Variants in NKX1-2 observed in about 807,000 individuals in gnomAD.
NKX1-2 encodes the protein NK1 homeobox 2.
In NKX1-2, 1 loss-of-function variant was observed where a neutral mutation model predicts 4.4. The observed-to-expected ratio is 0.23, with a 90% CI of 0.08 to 1.08. The LOEUF is 1.08. Ranked by LOEUF, NKX1-2 falls within the 50% of genes least tolerant of loss-of-function variation. The pLI is 0.55. For synonymous variants in NKX1-2, 235 were observed against 228.0 expected (o/e 1.03, Z -0.28); for missense variants, 503 against 464.6 (o/e 1.08, Z -0.76).
In NKX1-2 at chr10:124,447,322, G is replaced by T. The variant is rs986681516; in HGVS notation, c.*107C>A. ...ATCGCGGGTGCGCGCGGCGGGCAGG[G>T]GTGCGCTGACACCCGCGCACCTGCA... On this transcript the variant is annotated 3_prime_UTR_variant, in exon 2 of 2. Transcript: ENST00000451024. The T allele has an allele frequency of 1.9e-5, 16 of 850,368 alleles. No individual in the cohort carries two copies. Among genetic ancestry groups the T allele is most frequent in the Non-Finnish European group, 1.1e-5 (7 of 626,844 alleles). 52.7% of individuals were successfully genotyped at this position (850,368 alleles called of 1,614,324 possible). A position where few individuals can be genotyped will look rare whatever the true frequency, so the allele number is the denominator to read the frequency against.
At position 124,447,629 on chromosome 10, in the gene NKX1-2, C is replaced by T; in HGVS notation, c.733G>A (p.Gly245Ser). 1 of 1,278,170 alleles carries T rather than the reference C, an allele frequency of 7.8e-7. No homozygotes were observed. The highest frequency in any genetic ancestry group is 9.9e-7 in the Non-Finnish European group (1 of 1,013,580). The allele number at this position is 1,278,170 out of a possible 1,614,324, so 79.2% of individuals were successfully genotyped here. ...GGACTGCCCCCCGAGCCGCCGCCGCCGCCGCCCCCCGCCGCCCCTGGCTGG... is the reference window on the plus strand; with the variant it reads ...GGACTGCCCCCCGAGCCGCCGCCGCTGCCGCCCCCCGCCGCCCCTGGCTGG... ...APQPGAAGGG[G>S]GGGSGGSPGP... Residue 245 changes from glycine (G) to serine (S), a missense_variant, in exon 2 of 2, where the codon GGC (glycine) becomes AGC (serine). Gly to Ser is a moderately conservative substitution (Grantham distance 56). Transcript: ENST00000451024.
chr10:124,449,132 C>G lies in NKX1-2; in HGVS notation c.214+598G>C, dbSNP rs1320947505. ...CAGAAAGGGTTTCGAGAAGAAAGTA[C>G]CGAAAGCTTCCCAACACTCCATCCG... On this transcript the variant is annotated intron_variant, in intron 1 of 1. Coordinates refer to ENST00000451024, the MANE Select transcript of NKX1-2 (RefSeq NM_001146340.3). This position sits in a 1 kb window ranked among gnomAD's most constrained non-coding sequence, Gnocchi z 7.5. Among the ~76,000 whole-genome samples, 1 of 152,178 alleles carries G rather than the reference C, an allele frequency of 6.6e-6. No individual in the cohort carries two copies. The highest frequency in any genetic ancestry group is 6.5e-5 in the Admixed American group (1 of 15,284).
chr10:124,449,571 C>T lies in NKX1-2; in HGVS notation c.214+159G>A. 1 of 712,066 alleles carries T rather than the reference C, an allele frequency of 1.4e-6. No homozygotes were observed. The allele number at this position is 712,066 out of a possible 1,614,324, so 44.1% of individuals were successfully genotyped here. A position where few individuals can be genotyped will look rare whatever the true frequency, so the allele number is the denominator to read the frequency against. On this transcript the variant is annotated intron_variant, in intron 1 of 1. Transcript: ENST00000451024. This position sits in a 1 kb window ranked among gnomAD's most constrained non-coding sequence, Gnocchi z 7.5. ...GGGGAGCCTCCTCTCTGCCTCTATC[C>T]AAGTCCGAGGCGGGGGCTACACTTC...
chr10:124,448,406 GAAAA>G lies in NKX1-2; in HGVS notation c.215-263_215-260del. 2.4e-6 allele frequency: 1 copy of G among 411,636 alleles called. No homozygotes were observed. The highest frequency in any genetic ancestry group is 4.1e-6 in the Non-Finnish European group (1 of 242,980). The allele number at this position is 411,636 out of a possible 1,614,324, so 25.5% of individuals were successfully genotyped here. On this transcript the variant is annotated intron_variant, in intron 1 of 1. Transcript: ENST00000451024. This position sits in a 1 kb window ranked among gnomAD's most constrained non-coding sequence, Gnocchi z 4.1. ...ATGAATGAATGACACCCCGCATTAA[GAAAA>G]AATAGTGACATTATTGGGTAACCAT... is the stretch of plus-strand genomic sequence containing the variant.
In NKX1-2 at chr10:124,448,887, A is replaced by G. The variant is rs930209162; in HGVS notation, c.215-740T>C. 6.6e-6 allele frequency among the ~76,000 whole-genome samples: 1 copy of G among 152,148 alleles called. No individual in the cohort carries two copies. Among genetic ancestry groups the G allele is most frequent in the Non-Finnish European group, 1.5e-5 (1 of 68,026 alleles). ...CTGCCTGGGCCCAAGTGCGGCCGCC[A>G]GAGGCGCCCCGGGCCCCAGGCAATC... On this transcript the variant is annotated intron_variant, in intron 1 of 1. Transcript: ENST00000451024. The surrounding 1 kb of genome is among the most constrained non-coding windows in gnomAD (Gnocchi z 4.1).
chr10:124,447,768 C>A lies in NKX1-2; in HGVS notation c.594G>T (p.Leu198=). 2 of 1,481,596 alleles carry A rather than the reference C, an allele frequency of 1.3e-6. No homozygotes were observed. The highest frequency in any genetic ancestry group is 2.9e-5 in the East Asian group (1 of 34,296). The allele number at this position is 1,481,596 out of a possible 1,614,324, so 91.8% of individuals were successfully genotyped here. Residue 198 remains leucine (L), a synonymous_variant, in exon 2 of 2, where the codon CTG becomes CTT. Coordinates refer to ENST00000451024, the MANE Select transcript of NKX1-2 (RefSeq NM_001146340.3). ...LSVCERLNLA[L]SLSLTETQVK... ...CCTGCGTCTCGGTGAGGCTGAGAGA[C>A]AGCGCGAGGTTCAGGCGCTCGCACA... is the stretch of plus-strand genomic sequence containing the variant.
rs1436642230 is a variant in NKX1-2 at position 124,448,844 on chromosome 10, G to A, written c.215-697C>T. Among the ~76,000 whole-genome samples the A allele has an allele frequency of 1.3e-5, 2 of 152,292 alleles. No homozygotes were observed. The highest frequency in any genetic ancestry group is 2.9e-5 in the Non-Finnish European group (2 of 68,018). ...GGGCGGCCCCTCGGAGAGAAGATCC[G>A]AACAATTACCAGGCCGCCTGCCTGG... On this transcript the variant is annotated intron_variant, in intron 1 of 1. Coordinates refer to ENST00000451024, the MANE Select transcript of NKX1-2 (RefSeq NM_001146340.3). The surrounding 1 kb of genome is among the most constrained non-coding windows in gnomAD (Gnocchi z 4.1).
chr10:124,447,271 C>A lies in NKX1-2; in HGVS notation c.*158G>T. 1 of 423,054 alleles carries A rather than the reference C, an allele frequency of 2.4e-6. No individual in the cohort carries two copies. 26.2% of individuals were successfully genotyped at this position (423,054 alleles called of 1,614,324 possible). On this transcript the variant is annotated 3_prime_UTR_variant, in exon 2 of 2. Transcript: ENST00000451024. ...CCGGACACTTTGAAGGACGGCAGAT[C>A]CCTGACCCCTTGGTGGCCCGCGAGG...
At position 124,447,241 on chromosome 10, in the gene NKX1-2, C is replaced by T; in HGVS notation, c.*188G>A. 6 of 417,398 alleles carry T rather than the reference C, an allele frequency of 1.4e-5. No individual in the cohort carries two copies. Among genetic ancestry groups the T allele is most frequent in the South Asian group, 2.7e-4 (2 of 7,294 alleles). The allele number at this position is 417,398 out of a possible 1,614,324, so 25.9% of individuals were successfully genotyped here. ...AACGGCAAGGCTTGAGGTCAGCCTCCGTCCCCGGACACTTTGAAGGACGGC... is the reference window on the plus strand; with the variant it reads ...AACGGCAAGGCTTGAGGTCAGCCTCTGTCCCCGGACACTTTGAAGGACGGC... On this transcript the variant is annotated 3_prime_UTR_variant, in exon 2 of 2. Transcript: ENST00000451024.
chr10:124,447,887 T>TGGGCTCC lies in NKX1-2; in HGVS notation c.468_474dup (p.Asn159GlyfsTer238). The stretch of plus-strand genomic sequence containing the variant: ...CGCGCGCGCCGCGGCTTGGCGCAGT[T>TGGGCTCC]GGGCTCCAGGCGCCGGCGCCTGGGA... On this transcript the variant is annotated frameshift_variant, in exon 2 of 2. Coordinates refer to ENST00000451024, the MANE Select transcript of NKX1-2 (RefSeq NM_001146340.3). LOFTEE classifies it low-confidence loss of function (END_TRUNC). The TGGGCTCC allele has an allele frequency of 7.0e-7, 1 of 1,429,390 alleles. No homozygotes were observed. Among genetic ancestry groups the TGGGCTCC allele is most frequent in the Non-Finnish European group, 9.2e-7 (1 of 1,084,786 alleles). The allele number at this position is 1,429,390 out of a possible 1,614,324, so 88.5% of individuals were successfully genotyped here. A position where few individuals can be genotyped will look rare whatever the true frequency, so the allele number is the denominator to read the frequency against.
rs1952264029 is a variant in NKX1-2 at position 124,448,127 on chromosome 10, C to A, written c.235G>T (p.Gly79Cys). The A allele has an allele frequency of 1.3e-6, 2 of 1,491,410 alleles. No individual in the cohort carries two copies. The highest frequency in any genetic ancestry group is 1.8e-6 in the Non-Finnish European group (2 of 1,127,166). 92.4% of individuals were successfully genotyped at this position (1,491,410 alleles called of 1,614,324 possible). ...ETPDAAGPGA[G>C]QASPLEGSEA... Reference sequence around the variant, plus strand: ...GAACCCTCCAGGGGGGACGCCTGGCCGGCGCCTGGGCCCGCAGCATCTAGG... The same window carrying A: ...GAACCCTCCAGGGGGGACGCCTGGCAGGCGCCTGGGCCCGCAGCATCTAGG... The change falls in exon 2 of 2, where the codon GGC (glycine) becomes TGC (cysteine). Residue 79 changes from glycine (G) to cysteine (C), a missense_variant. Physicochemically the swap from Gly to Cys is radical, Grantham distance 159 (BLOSUM62 -3). Transcript: ENST00000451024. This position sits in a 1 kb window ranked among gnomAD's most constrained non-coding sequence, Gnocchi z 4.1.
In NKX1-2 at chr10:124,446,178, G is replaced by A. The variant is rs528592602; in HGVS notation, c.*1251C>T. ...GCAAAAGTGGCAAGGGAATTTCACA[G>A]AACTAATTTTTTAAGGGAGGTAATA... On this transcript the variant is annotated 3_prime_UTR_variant, in exon 2 of 2. Coordinates refer to ENST00000451024, the MANE Select transcript of NKX1-2 (RefSeq NM_001146340.3). 4 of 152,174 alleles carry A rather than the reference G, an allele frequency of 2.6e-5. No individual in the cohort carries two copies. In the South Asian group the frequency reaches 6.2e-4, roughly 24 times the overall value. 9.4% of individuals were successfully genotyped at this position (152,174 alleles called of 1,614,324 possible). A position where few individuals can be genotyped will look rare whatever the true frequency, so the allele number is the denominator to read the frequency against.
At position 124,447,805 on chromosome 10, in the gene NKX1-2, C is replaced by G; in HGVS notation, c.557G>C (p.Arg186Pro). The G allele has an allele frequency of 6.8e-7, 1 of 1,480,804 alleles. No homozygotes were observed. The highest frequency in any genetic ancestry group is 9.0e-7 in the Non-Finnish European group (1 of 1,108,992). 91.7% of individuals were successfully genotyped at this position (1,480,804 alleles called of 1,614,324 possible). ...VALENKFRAT[R>P]YLSVCERLNL... ...CAGGCGCTCGCACACTGACAGGTAG[C>G]GCGTGGCCCGGAACTTGTTCTCCAA... The change falls in exon 2 of 2, where the codon CGC becomes CCC. Residue 186 changes from arginine (R) to proline (P), a missense_variant. By Grantham distance (103) the Arg-to-Pro change is moderately radical (BLOSUM62 -2). Transcript: ENST00000451024.
In NKX1-2 at chr10:124,449,570, C is replaced by T; in HGVS notation, c.214+160G>A. 1 of 711,426 alleles carries T rather than the reference C, an allele frequency of 1.4e-6. No homozygotes were observed. The highest frequency in any genetic ancestry group is 1.5e-5 in the South Asian group (1 of 66,928). 44.1% of individuals were successfully genotyped at this position (711,426 alleles called of 1,614,324 possible). ...CGGGGAGCCTCCTCTCTGCCTCTAT[C>T]CAAGTCCGAGGCGGGGGCTACACTT... On this transcript the variant is annotated intron_variant, in intron 1 of 1. Transcript: ENST00000451024. The surrounding 1 kb of genome is among the most constrained non-coding windows in gnomAD (Gnocchi z 7.5).
chr10:124,449,690 G>A lies in NKX1-2; in HGVS notation c.214+40C>T, dbSNP rs1004334383. 9 of 1,430,472 alleles carry A rather than the reference G, an allele frequency of 6.3e-6. No homozygotes were observed. The African/African-American group carries it at 1.1e-4, about 18-fold the overall frequency. 88.6% of individuals were successfully genotyped at this position (1,430,472 alleles called of 1,614,324 possible). A position where few individuals can be genotyped will look rare whatever the true frequency, so the allele number is the denominator to read the frequency against. On this transcript the variant is annotated intron_variant, in intron 1 of 1. Coordinates refer to ENST00000451024, the MANE Select transcript of NKX1-2 (RefSeq NM_001146340.3). The surrounding 1 kb of genome is among the most constrained non-coding windows in gnomAD (Gnocchi z 7.5). ...TCCCCCATACACTCCGCATTGTTGG[G>A]GCTGAGGCCTCCTGGGGCCGGGGCC...
At position 124,447,668 on chromosome 10, in the gene NKX1-2, C is replaced by A. The variant is rs763815659; in HGVS notation, c.694G>T (p.Gly232Trp). The part of the protein sequence containing the change: ...NPGADGAAQV[G>W]GGAPQPGAAG... ...GCCCCTGGCTGGGGCGCGCCACCCC[C>A]CACCTGCGCCGCGCCGTCGGCACCC... The change falls in exon 2 of 2, where the codon GGG becomes TGG. Residue 232 changes from glycine (G) to tryptophan (W), a missense_variant. Physicochemically the swap from Gly to Trp is radical, Grantham distance 184. Transcript: ENST00000451024. 8 of 1,385,166 alleles carry A rather than the reference C, an allele frequency of 5.8e-6. No homozygotes were observed. Among genetic ancestry groups the A allele is most frequent in the Non-Finnish European group, 7.6e-6 (8 of 1,058,544 alleles). The allele number at this position is 1,385,166 out of a possible 1,614,324, so 85.8% of individuals were successfully genotyped here.
chr10:124,447,889 G>T lies in NKX1-2; in HGVS notation c.473C>A (p.Pro158His). The T allele has an allele frequency of 7.0e-7, 1 of 1,433,582 alleles. No homozygotes were observed. Among genetic ancestry groups the T allele is most frequent in the East Asian group, 3.1e-5 (1 of 32,736 alleles). 88.8% of individuals were successfully genotyped at this position (1,433,582 alleles called of 1,614,324 possible). The change falls in exon 2 of 2, where the codon CCC (proline) becomes CAC (histidine). Residue 158 changes from proline (P) to histidine (H), a missense_variant. Pro to His is a moderately conservative substitution (Grantham distance 77). Transcript: ENST00000451024. ...CGCGCGCCGCGGCTTGGCGCAGTTG[G>T]GCTCCAGGCGCCGGCGCCTGGGACG... is the stretch of plus-strand genomic sequence containing the variant. ...SPRPRRRRLE[P>H]NCAKPRRART...
rs997924824 is a variant in NKX1-2, at chr10:124,447,381, G to A, written c.*48C>T. ...GGAGGAGCCGAGGGCACACGACGAT[G>A]CCAATCCCTCGTGAATCCCGCGAAA... On this transcript the variant is annotated 3_prime_UTR_variant, in exon 2 of 2. Transcript: ENST00000451024. 4 of 1,182,514 alleles carry A rather than the reference G, an allele frequency of 3.4e-6. No homozygotes were observed. Among genetic ancestry groups the A allele is most frequent in the Non-Finnish European group, 4.3e-6 (4 of 935,540 alleles). 73.3% of individuals were successfully genotyped at this position (1,182,514 alleles called of 1,614,324 possible).
chr10:124,448,153 G>C lies in NKX1-2; in HGVS notation c.215-6C>G, dbSNP rs1459933759. On this transcript the variant is annotated splice_polypyrimidine_tract_variant and splice_region_variant and intron_variant, in intron 1 of 1. Transcript: ENST00000451024. This position sits in a 1 kb window ranked among gnomAD's most constrained non-coding sequence, Gnocchi z 4.1. ...GGCGCCTGGGCCCGCAGCATCTAGG[G>C]GAGAAGGGGTCGGTGAACAGAAGCC... The C allele has an allele frequency of 6.8e-7, 1 of 1,462,220 alleles. No homozygotes were observed. The highest frequency in any genetic ancestry group is 1.3e-5 in the South Asian group (1 of 75,248). The allele number at this position is 1,462,220 out of a possible 1,614,324, so 90.6% of individuals were successfully genotyped here.
Sources: gnomAD v4.1 joint callset for allele counts (sites outside exome capture counted in the v4.1 genomes callset) on GRCh38, gnomAD v4.1.1 for gene constraint, Gnocchi (gnomAD v3.1) non-coding constraint, MANE v1.5 for transcripts, NCBI Gene and HGNC (gene_info 2026-07-23, HGNC 2026-07-21) for gene names.